Variants in AMY2B observed in about 807,000 individuals in gnomAD.
AMY2B encodes alpha-amylase 2B.
AMY2B carries 63 observed loss-of-function variants against 59.3 expected under a neutral mutation model. The ratio of observed to expected loss-of-function variants is 1.06; its 90% CI spans 0.87 to 1.31. The LOEUF is 1.31. Among genes scored for constraint, AMY2B ranks in the 50% most tolerant of loss-of-function variants. The pLI is 0.00. For synonymous variants in AMY2B, 180 were observed against 198.1 expected, an observed-to-expected ratio of 0.91 and a Z score of 0.77; for missense variants, 635 against 626.7, an observed-to-expected ratio of 1.01 and a Z score of -0.14.
upstream of AMY2B, chr1:103,571,283 T>C (rs1433392286): frequency 1.1e-5 from 8 of 740,632 alleles, no homozygotes; most frequent in Admixed American, 7.8e-5. Context: ...TCTCGATCTT[T>C]AAAGAGATGA....
chr1:103,571,077 C>A, upstream of AMY2B: 1 of 773,788 alleles, frequency 1.3e-6, no homozygotes, highest in Non-Finnish European at 1.6e-6. Flanking sequence ...GTAAGGGCTC[C>A]TTAACCAGTT....
In AMY2B at chr1:103,573,239, G is replaced by T. The variant is rs1279658605; in HGVS notation, c.492G>T (p.Glu164Asp). The change falls in exon 3 of 10, where the codon GAG becomes GAT. Residue 164 changes from glutamate (E) to aspartate (D), a missense_variant. Physicochemically the swap from Glu to Asp is conservative, Grantham distance 45. Transcript: ENST00000684275. Reference sequence around the variant, plus strand: ...GTAAAACTGGAAGTGGAGATATCGAGAACTACAATGATGCTACTCAGGTAA... The same window carrying T: ...GTAAAACTGGAAGTGGAGATATCGATAACTACAATGATGCTACTCAGGTAA... ...GKCKTGSGDIENYNDATQVRD... is the reference protein window; with the variant it reads ...GKCKTGSGDIDNYNDATQVRD... The T allele has an allele frequency of 6.2e-7, 1 of 1,613,584 alleles. No individual in the cohort carries two copies. Among genetic ancestry groups the T allele is most frequent in the East Asian group, 2.2e-5 (1 of 44,848 alleles).
At chr1:103,574,048 A>G in intron 4 of AMY2B, 110 bp downstream of exon 4, 1 of 1,573,614 alleles carries the variant, frequency 6.4e-7, no homozygotes. Flanking sequence ...TCATTTATAT[A>G]AAATGGTGTT....
At chr1:103,575,095 T>A (rs1256482576) in intron 5 of AMY2B, 128 bp from the exon 6 acceptor site, 4 of 1,239,758 alleles carry the variant, frequency 3.2e-6, no homozygotes, top group Non-Finnish European at 3.3e-6. Flanking sequence ...TCTTACAGAA[T>A]AACCATTTAA....
intron 5 of AMY2B, 34 bp downstream of exon 5, chr1:103,574,427 C>T (rs1335008879): frequency 6.2e-7 from 1 of 1,609,224 alleles, no homozygotes; most frequent in Non-Finnish European, 8.5e-7. Flanking sequence ...TGAAGTATTT[C>T]ATAGATTTAT....
chr1:103,568,095 T>C (rs1651971594), upstream of AMY2B, among the ~76,000 whole-genome samples: 1 of 152,228 alleles, frequency 6.6e-6, no homozygotes, highest in South Asian at 2.1e-4. Flanking sequence ...CTGTTAGTAC[T>C]GTTGCTATTA....
At chr1:103,565,871 T>C (rs188379764) in intron 2 of AMY2B, among the ~76,000 whole-genome samples, 6 of 152,314 alleles carry the variant, frequency 3.9e-5, no homozygotes, top group Non-Finnish European at 7.4e-5. Context: ...ACTGCTCTGC[T>C]TACTAATGTT....
chr1:103,574,552 T>G (rs563118852), intron 5 of AMY2B, among the ~76,000 whole-genome samples, 159 bp downstream of exon 5: 1 of 152,306 alleles, frequency 6.6e-6, no homozygotes, highest in Non-Finnish European at 1.5e-5. Context: ...ATCAATCATC[T>G]TTTGTATTTA....
Position 103,577,576 on chromosome 1 carries a change from C to T in AMY2B, c.1188C>T (p.Asp396=), listed in dbSNP as rs1452675073. The T allele has an allele frequency of 1.2e-6, 2 of 1,611,908 alleles. No homozygotes were observed. The highest frequency in any genetic ancestry group is 2.3e-4 in the Middle Eastern group (1 of 4,430). The change falls in exon 8 of 10, where the codon GAC becomes GAT. Residue 396 remains aspartate (D), a synonymous_variant. Transcript: ENST00000684275. ...ATCCAGACACTACTTGTGGCAATGACTGGGTCTGTGAACATCGATGGCGCC... is the reference window on the plus strand; with the variant it reads ...ATCCAGACACTACTTGTGGCAATGATTGGGTCTGTGAACATCGATGGCGCC... The part of the protein sequence containing the change: ...TINPDTTCGN[D]WVCEHRWRQI...
At chr1:103,558,497 G>A (rs1225638864) in intron 1 of AMY2B, among the ~76,000 whole-genome samples, 1 of 151,940 alleles carries the variant, frequency 6.6e-6, no homozygotes, top group Non-Finnish European at 1.5e-5. Flanking sequence ...CTTGTTCAAT[G>A]GTCCAGACTT....
At chr1:103,557,189 T>C (rs138978221) in intron 1 of AMY2B, among the ~76,000 whole-genome samples, 122 of 151,628 alleles carry the variant, frequency 8.0e-4, no homozygotes, top group African/African-American at 2.5e-3. Flanking sequence ...CATACATACA[T>C]ACACACAAAA....
At chr1:103,572,993 C>T (rs988366969) in intron 2 of AMY2B, 70 bp from the exon 3 acceptor site, 1 of 1,610,152 alleles carries the variant, frequency 6.2e-7, no homozygotes. Context: ...ATACTATAAA[C>T]TTGAATCAAT....
chr1:103,564,748 T>A (rs779361425), intron 1 of AMY2B, among the ~76,000 whole-genome samples: 35 of 152,160 alleles, frequency 2.3e-4, no homozygotes, highest in Non-Finnish European at 4.7e-4. Flanking sequence ...TTTCTTAGAC[T>A]GTCATTGCTT....
upstream of AMY2B, chr1:103,570,283 G>A: frequency 5.2e-6 from 3 of 572,918 alleles, no homozygotes; most frequent in South Asian, 4.4e-5. Context: ...GCTGCCTGAT[G>A]GCCATGTCAT....
At chr1:103,559,970 A>G (rs1312329113) in intron 1 of AMY2B, among the ~76,000 whole-genome samples, 1 of 152,194 alleles carries the variant, frequency 6.6e-6, no homozygotes, top group Non-Finnish European at 1.5e-5. Flanking sequence ...GTTCATTATA[A>G]CACTTCTTAT....
chr1:103,563,378 A>G (rs1332381496), intron 1 of AMY2B, among the ~76,000 whole-genome samples: 1 of 152,150 alleles, frequency 6.6e-6, no homozygotes, highest in African/African-American at 2.4e-5. Flanking sequence ...TTCTCTAAGG[A>G]TAACTCTTTT....
upstream of AMY2B, chr1:103,569,189 C>T (rs1335860585): frequency 6.6e-6 from 1 of 152,008 alleles, no homozygotes; most frequent in East Asian, 1.9e-4. Flanking sequence ...GTTATGGGAA[C>T]TACATTCAAG....
At chr1:103,568,551 G>A (rs972722253), upstream of AMY2B, 2 of 152,022 alleles carry the variant, frequency 1.3e-5, no homozygotes, top group African/African-American at 4.8e-5. Context: ...TTTGAATTAA[G>A]GATGGGAAAC....
At chr1:103,577,997 A>C in intron 9 of AMY2B, 152 bp downstream of exon 9, 1 of 1,491,352 alleles carries the variant, frequency 6.7e-7, no homozygotes, top group Non-Finnish European at 8.9e-7. Flanking sequence ...AGAAGTAAAA[A>C]GATGATGGCT....
Sources: gnomAD v4.1 joint callset for allele counts (sites outside exome capture counted in the v4.1 genomes callset) on GRCh38, gnomAD v4.1.1 for gene constraint, MANE v1.5 for transcripts, NCBI Gene and HGNC (gene_info 2026-07-23, HGNC 2026-07-21) for gene names.